Variants in AGBL4 observed in about 807,000 individuals in gnomAD.
The protein encoded by AGBL4 is cytosolic carboxypeptidase 6.
Under a neutral mutation model 66.4 loss-of-function variants are expected in AGBL4, and 58 were observed. The ratio of observed to expected loss-of-function variants is 0.87; its 90% CI spans 0.71 to 1.09. AGBL4 has a LOEUF of 1.09. Ranked by LOEUF, AGBL4 falls within the 50% of genes least tolerant of loss-of-function variation. The pLI is 0.00. For synonymous variants in AGBL4, 234 were observed against 222.9 expected (o/e 1.05, Z -0.44); for missense variants, 579 against 631.0 (o/e 0.92, Z 0.88).
At chr1:49,447,619 C>A (rs1646188710) in intron 3 of AGBL4, among the ~76,000 whole-genome samples, 1 of 152,128 alleles carries the variant, frequency 6.6e-6, no homozygotes, top group African/African-American at 2.4e-5. Flanking sequence ...GAGGAGTCTC[C>A]AAATTACCAC....
intron 3 of AGBL4, among the ~76,000 whole-genome samples, chr1:49,565,942 T>C (rs1258355825): frequency 2.6e-5 from 4 of 152,158 alleles, no homozygotes; most frequent in Non-Finnish European, 5.9e-5. Context: ...GTACACCAAT[T>C]AGATGTAGAT....
intron 6 of AGBL4, among the ~76,000 whole-genome samples, chr1:48,804,534 C>G (rs544172888): frequency 6.6e-6 from 1 of 152,316 alleles, no homozygotes; most frequent in South Asian, 2.1e-4. Context: ...CACTGCCTCT[C>G]TCCCCCAACA....
chr1:49,264,171 T>C (rs1450647759), intron 3 of AGBL4, among the ~76,000 whole-genome samples: 1 of 152,078 alleles, frequency 6.6e-6, no homozygotes, highest in Non-Finnish European at 1.5e-5. Context: ...ATGTTAGGTA[T>C]ATCCGTAATG....
chr1:49,510,061 A>C (rs1331356760), intron 3 of AGBL4, among the ~76,000 whole-genome samples: 1 of 152,008 alleles, frequency 6.6e-6, no homozygotes, highest in Non-Finnish European at 1.5e-5. Flanking sequence ...TCCAGGAGGA[A>C]TGTTTAATAT....
intron 2 of AGBL4, among the ~76,000 whole-genome samples, chr1:49,735,053 G>A (rs932905936): frequency 6.6e-6 from 1 of 152,076 alleles, no homozygotes; most frequent in Admixed American, 6.6e-5. Context: ...CCAGACAACT[G>A]TGCATCAAGA....
At chr1:49,199,538 G>A (rs1352024457) in intron 4 of AGBL4, among the ~76,000 whole-genome samples, 1 of 152,154 alleles carries the variant, frequency 6.6e-6, no homozygotes, top group Non-Finnish European at 1.5e-5. Context: ...TACTCATTGA[G>A]ACAGCCTTCT....
chr1:48,769,238 C>A (rs72904862), intron 6 of AGBL4, among the ~76,000 whole-genome samples: 1,576 of 152,226 alleles, frequency 0.01, 28 homozygotes, highest in African/African-American at 0.036. Context: ...TGAAGAAATG[C>A]CCTACTGAGG....
intron 11 of AGBL4, among the ~76,000 whole-genome samples, chr1:48,547,809 GA>G (rs529838737): frequency 6.4e-4 from 97 of 152,228 alleles, no homozygotes; most frequent in Admixed American, 2.0e-3. Flanking sequence ...CTGGGGCCTT[GA>G]GAGTGCACAC....
chr1:49,417,809 C>T (rs1645460276), intron 3 of AGBL4, among the ~76,000 whole-genome samples: 1 of 152,122 alleles, frequency 6.6e-6, no homozygotes, highest in East Asian at 1.9e-4. Flanking sequence ...GCAATCTTAC[C>T]AGAGAAAGCA....
chr1:49,278,963 A>G (rs76877506), intron 3 of AGBL4, among the ~76,000 whole-genome samples: 4,655 of 152,288 alleles, frequency 0.031, 91 homozygotes, highest in Non-Finnish European at 0.047. Context: ...ACTTTTATAA[A>G]TGTCAGATTA....
At chr1:49,240,704 TCCTACCATTCTGGTTATCA>T (rs1651161475) in intron 4 of AGBL4, among the ~76,000 whole-genome samples, 1 of 151,974 alleles carries the variant, frequency 6.6e-6, no homozygotes, top group Non-Finnish European at 1.5e-5. Context: ...TCACATCTTC[TCCTACCATTCTGGTTATCA>T]CCTGTAGACT....
In AGBL4 at chr1:48,896,365, T is replaced by C. The variant is rs563131639; in HGVS notation, c.595-29135A>G. On this transcript the variant is annotated intron_variant, in intron 5 of 13. Transcript: ENST00000371839. ...TTCTCGAGCTTCAGTTTCCTGTTCA[T>C]AAAACAAGAAAACTAATACCTACCT... is the stretch of plus-strand genomic sequence containing the variant. Among the ~76,000 whole-genome samples the C allele has an allele frequency of 3.9e-5, 6 of 152,350 alleles. No individual in the cohort carries two copies. In the East Asian group the frequency reaches 1.2e-3, roughly 29 times the overall value.
At chr1:49,587,327 A>C (rs563078994) in intron 3 of AGBL4, among the ~76,000 whole-genome samples, 61 of 152,126 alleles carry the variant, frequency 4.0e-4, no homozygotes, top group Middle Eastern at 3.4e-3. Context: ...AGAGAAAAGA[A>C]AAAAGAAAAG....
chr1:49,084,644 G>A (rs183925906), intron 4 of AGBL4, among the ~76,000 whole-genome samples: 1 of 152,230 alleles, frequency 6.6e-6, no homozygotes, highest in Admixed American at 6.5e-5. Flanking sequence ...GATTTGGTTG[G>A]GGACAGAGCC....
intron 11 of AGBL4, among the ~76,000 whole-genome samples, chr1:48,578,734 T>C (rs1011281754): frequency 6.6e-5 from 10 of 152,210 alleles, no homozygotes; most frequent in Admixed American, 6.5e-4. Context: ...AGATGTTGGG[T>C]GAGGCCTGCT....
intron 13 of AGBL4, 48 bp downstream of exon 13, chr1:48,534,842 G>T (rs1643942516): frequency 6.5e-7 from 1 of 1,529,408 alleles, no homozygotes. Flanking sequence ...TGGAGCACAT[G>T]CATGGTATGT....
At chr1:49,903,115 T>G (rs1162082878) in intron 1 of AGBL4, among the ~76,000 whole-genome samples, 1 of 151,994 alleles carries the variant, frequency 6.6e-6, no homozygotes, top group East Asian at 1.9e-4. Context: ...AATGGTAGAG[T>G]GGATAAAGAA....
chr1:49,521,908 TA>T (rs1650293965), intron 3 of AGBL4, among the ~76,000 whole-genome samples: 4 of 105,028 alleles, frequency 3.8e-5, no homozygotes, highest in South Asian at 2.9e-4. Flanking sequence ...TGGAAACTAT[TA>T]GAGGGGGGAA....
intron 3 of AGBL4, among the ~76,000 whole-genome samples, chr1:49,372,043 A>G (rs1644357833): frequency 6.6e-6 from 1 of 152,154 alleles, no homozygotes; most frequent in Non-Finnish European, 1.5e-5. Flanking sequence ...AGGAGGTAAA[A>G]AAAATCCTAT....
Sources: allele counts gnomAD v4.1 joint callset (sites outside exome capture counted in the v4.1 genomes callset), GRCh38; gene constraint gnomAD v4.1.1; transcripts MANE v1.5; gene names NCBI Gene and HGNC (gene_info 2026-07-23, HGNC 2026-07-21).